The following ASTN2 variants were observed in gnomAD, a reference collection of about 807,000 sequenced individuals.
ASTN2 encodes the protein astrotactin-2.
In ASTN2, 54 loss-of-function variants were observed where a neutral mutation model predicts 139.8. The observed-to-expected ratio is 0.39, with a 90% CI of 0.31 to 0.48. The LOEUF (loss-of-function observed/expected upper bound fraction) is 0.48, where lower values mean the gene tolerates loss of function less well. ASTN2 is among the 20% of genes least tolerant of loss of function. ASTN2 has a pLI of 0.95. For missense variants in ASTN2, 1,565 were observed against 1,725.1 expected (o/e 0.91, Z 1.64); for synonymous variants, 756 against 719.5 (o/e 1.05, Z -0.81).
chr9:117,213,181 A>G (rs976950552), intron 3 of ASTN2, among the ~76,000 whole-genome samples: 1 of 152,192 alleles, frequency 6.6e-6, no homozygotes, highest in African/African-American at 2.4e-5. Flanking sequence ...TAAGACAGGA[A>G]TGGAAAGTTA....
chr9:117,180,978 C>G, intron 3 of ASTN2: 2 of 1,597,258 alleles, frequency 1.3e-6, no homozygotes, highest in South Asian at 2.2e-5. Context: ...TCACAGTGCC[C>G]TGGGGCTTTC....
intron 10 of ASTN2, among the ~76,000 whole-genome samples, chr9:116,867,625 A>AAG (rs1833052919): frequency 6.6e-6 from 1 of 152,056 alleles, no homozygotes; most frequent in African/African-American, 2.4e-5. Context: ...ACAAAGAAAC[A>AAG]AGGAAAGGGA....
Position 116,873,753 on chromosome 9 carries a change from C to T in ASTN2, c.1890-10020G>A, listed in dbSNP as rs147467727. Among the ~76,000 whole-genome samples, 184 of 152,200 alleles carry T rather than the reference C, an allele frequency of 1.2e-3. 1 individual carries two copies. The highest frequency in any genetic ancestry group is 4.3e-3 in the African/African-American group (177 of 41,520). On this transcript the variant is annotated intron_variant, in intron 10 of 22. Coordinates refer to ENST00000313400, the MANE Select transcript of ASTN2 (RefSeq NM_001365068.1). ...GCAGAGTGGGGAGGCAGTGGACTTCCCCATTACTGTTCTCGTGATAGTGAG... is the reference window on the plus strand; with the variant it reads ...GCAGAGTGGGGAGGCAGTGGACTTCTCCATTACTGTTCTCGTGATAGTGAG...
intron 20 of ASTN2, among the ~76,000 whole-genome samples, chr9:116,478,685 C>A (rs1338607245): frequency 6.6e-6 from 1 of 152,082 alleles, no homozygotes; most frequent in Non-Finnish European, 1.5e-5. Context: ...CTTCTTGCCC[C>A]CATCATCTTT....
chr9:117,084,189 G>A (rs1023252946), intron 5 of ASTN2, among the ~76,000 whole-genome samples: 2 of 152,186 alleles, frequency 1.3e-5, no homozygotes, highest in African/African-American at 4.8e-5. Flanking sequence ...AAATGCAGAT[G>A]TAGATCAAAG....
intron 1 of ASTN2, among the ~76,000 whole-genome samples, chr9:117,390,303 G>A (rs939813610): frequency 6.6e-6 from 1 of 152,140 alleles, no homozygotes; most frequent in Admixed American, 6.5e-5. Context: ...TCTTGTGTTA[G>A]TGTGGCCCAT....
chr9:117,295,154 TCTA>T (rs1357163708), intron 1 of ASTN2, among the ~76,000 whole-genome samples: 1 of 151,994 alleles, frequency 6.6e-6, no homozygotes, highest in Admixed American at 6.6e-5. Context: ...AAAGCCCATC[TCTA>T]CTAAAAATAC....
At chr9:117,316,744 C>T (rs1828156043) in intron 1 of ASTN2, among the ~76,000 whole-genome samples, 1 of 152,170 alleles carries the variant, frequency 6.6e-6, no homozygotes, top group South Asian at 2.1e-4. Flanking sequence ...ATATGGGCCT[C>T]ATAGGGAGAA....
intron 10 of ASTN2, among the ~76,000 whole-genome samples, chr9:116,925,589 G>A (rs1199141210): frequency 6.6e-6 from 1 of 151,960 alleles, no homozygotes; most frequent in East Asian, 1.9e-4. Context: ...GGAAGCTTGG[G>A]TCTGTCTCTG....
intron 20 of ASTN2, among the ~76,000 whole-genome samples, chr9:116,463,908 G>GTGT (rs1438137299): frequency 8.6e-6 from 1 of 115,932 alleles, no homozygotes; most frequent in African/African-American, 3.2e-5. Flanking sequence ...AGAGTTTTGT[G>GTGT]TTTTTTTTTT....
intron 3 of ASTN2, among the ~76,000 whole-genome samples, chr9:117,160,349 GGTA>G (rs1382869238): frequency 6.6e-6 from 1 of 151,884 alleles, no homozygotes; most frequent in Non-Finnish European, 1.5e-5. Context: ...CCTGGAGCAA[GGTA>G]GTTCCTCATT....
intron 13 of ASTN2, among the ~76,000 whole-genome samples, chr9:116,735,401 A>C (rs1173411847): frequency 6.6e-6 from 1 of 152,220 alleles, no homozygotes; most frequent in Non-Finnish European, 1.5e-5. Context: ...AGCCAGGACT[A>C]AATGTCCTCA....
chr9:117,172,927 G>A (rs192175135), intron 3 of ASTN2, among the ~76,000 whole-genome samples: 1 of 152,032 alleles, frequency 6.6e-6, no homozygotes, highest in South Asian at 2.1e-4. Flanking sequence ...ACTTGACCAT[G>A]GGCCAAATTG....
Position 116,733,332 on chromosome 9 carries a change from T to G in ASTN2, c.2521+67A>C, listed in dbSNP as rs1379080760. The G allele has an allele frequency of 2.5e-6, 4 of 1,586,962 alleles. No individual in the cohort carries two copies. The Admixed American group carries it at 6.7e-5, about 27-fold the overall frequency. On this transcript the variant is annotated intron_variant, in intron 14 of 22. Transcript: ENST00000313400. ...ATCTTGGATCTGCTGAAGACTGATA[T>G]GCACTAGGTGTGGAGACTCGGTGTG...
intron 13 of ASTN2, among the ~76,000 whole-genome samples, chr9:116,786,209 C>T (rs189971361): frequency 2.0e-5 from 3 of 152,240 alleles, no homozygotes; most frequent in East Asian, 3.9e-4. Context: ...CAAACGTCAC[C>T]TTGTCAAGTA....
intron 2 of ASTN2, among the ~76,000 whole-genome samples, chr9:117,264,045 A>G (rs1352926067): frequency 6.6e-6 from 1 of 152,098 alleles, no homozygotes; most frequent in Non-Finnish European, 1.5e-5. Flanking sequence ...CTGGTCTCAA[A>G]ATAAATAAAT....
intron 11 of ASTN2, among the ~76,000 whole-genome samples, chr9:116,837,512 C>G (rs1564295104): frequency 6.6e-6 from 1 of 152,320 alleles, no homozygotes. Context: ...ATACTGTGAA[C>G]CTGCTCTTTG....
At chr9:116,919,794 A>T (rs1420128647) in intron 10 of ASTN2, among the ~76,000 whole-genome samples, 1 of 151,874 alleles carries the variant, frequency 6.6e-6, no homozygotes, top group Non-Finnish European at 1.5e-5. Context: ...AAATACAAAA[A>T]TTAGCCAAGC....
chr9:116,608,735 C>G (rs1037117250), intron 19 of ASTN2, among the ~76,000 whole-genome samples: 3 of 152,092 alleles, frequency 2.0e-5, no homozygotes, highest in Non-Finnish European at 2.9e-5. Flanking sequence ...TACGAAATTA[C>G]CTGGCATGCA....
Sources: allele counts gnomAD v4.1 joint callset (sites outside exome capture counted in the v4.1 genomes callset), GRCh38; gene constraint gnomAD v4.1.1; transcripts MANE v1.5; gene names NCBI Gene and HGNC (gene_info 2026-07-23, HGNC 2026-07-21).